Variants in LDB2 observed in about 807,000 individuals in gnomAD.
LDB2 encodes the protein LIM domain binding 2, also known as LIM domain-binding protein 2.
A neutral mutation model predicts 44.3 loss-of-function variants in LDB2; 12 were observed. That is an observed-to-expected ratio of 0.27 (90% CI 0.17 to 0.44). LDB2 has a LOEUF of 0.44. LDB2 is among the 20% of genes least tolerant of loss of function. The pLI is 1.00. For missense variants in LDB2, 344 were observed against 473.5 expected, an observed-to-expected ratio of 0.73 and a Z score of 2.54; for synonymous variants, 164 against 174.8, an observed-to-expected ratio of 0.94 and a Z score of 0.49.
At chr4:16,664,902 A>T (rs1182299212) in intron 2 of LDB2, among the ~76,000 whole-genome samples, 1 of 152,190 alleles carries the variant, frequency 6.6e-6, no homozygotes, top group Non-Finnish European at 1.5e-5. Flanking sequence ...TGAACAGAAA[A>T]CACACAGGAA....
At chr4:16,505,840 C>T in intron 7 of LDB2, 1 of 1,545,902 alleles carries the variant, frequency 6.5e-7, no homozygotes, top group Non-Finnish European at 8.7e-7. Flanking sequence ...GACCACCAAC[C>T]TCTGAGGAGG....
At chr4:16,862,575 G>A (rs936519625) in intron 1 of LDB2, among the ~76,000 whole-genome samples, 2 of 137,286 alleles carry the variant, frequency 1.5e-5, no homozygotes, top group Admixed American at 8.3e-5. Context: ...GGAGGTTGCA[G>A]TGAGCCGAGA....
intron 2 of LDB2, among the ~76,000 whole-genome samples, chr4:16,689,348 G>T (rs559845358): frequency 6.6e-6 from 1 of 152,220 alleles, no homozygotes; most frequent in Non-Finnish European, 1.5e-5. Context: ...AATTCCTACC[G>T]ATTCCTTAAG....
intron 1 of LDB2, among the ~76,000 whole-genome samples, chr4:16,862,750 A>G (rs1241581295): frequency 6.6e-6 from 1 of 151,146 alleles, no homozygotes; most frequent in African/African-American, 2.4e-5. Context: ...AGTAGTTTTT[A>G]GAAGGTGTCC....
chr4:16,759,206 C>T lies in LDB2; in HGVS notation c.187G>A (p.Ala63Thr), dbSNP rs770873748. Residue 63 changes from alanine (A) to threonine (T), a missense_variant, in exon 2 of 8, where the codon GCC (alanine) becomes ACC (threonine). Coordinates refer to ENST00000304523, the MANE Select transcript of LDB2 (RefSeq NM_001290.5). ...AAACAAAATGAAAGGGTTAATGTGG[C>T]GTCATCTTCAAAAAATTCAGTGGCA... ...AFATEFFEDD[A>T]TLTLSFCLED... The T allele has an allele frequency of 6.8e-6, 11 of 1,613,856 alleles. No individual in the cohort carries two copies. The East Asian group carries it at 2.0e-4, about 29-fold the overall frequency.
chr4:16,875,018 T>C (rs1167534705), intron 1 of LDB2, among the ~76,000 whole-genome samples: 2 of 152,146 alleles, frequency 1.3e-5, no homozygotes, highest in Non-Finnish European at 2.9e-5. Flanking sequence ...ACTACAGCCA[T>C]AGACATGTAT....
chr4:16,732,349 C>CA (rs1321682851), intron 2 of LDB2, among the ~76,000 whole-genome samples: 1 of 152,192 alleles, frequency 6.6e-6, no homozygotes, highest in African/African-American at 2.4e-5. Context: ...TTTTCATCCC[C>CA]TGCAGAGCTC....
chr4:16,525,326 G>GAAGAC (rs1461510028), intron 5 of LDB2, among the ~76,000 whole-genome samples: 1 of 152,144 alleles, frequency 6.6e-6, no homozygotes, highest in African/African-American at 2.4e-5. Flanking sequence ...GCTTTCTTGG[G>GAAGAC]AGCTTCTACC....
intron 2 of LDB2, among the ~76,000 whole-genome samples, chr4:16,740,305 T>A (rs1238085685): frequency 6.6e-6 from 1 of 152,230 alleles, no homozygotes; most frequent in Non-Finnish European, 1.5e-5. Flanking sequence ...ACTCTTCTTT[T>A]GTCTTTTTGC....
chr4:16,800,472 AT>A (rs1210230169), intron 1 of LDB2, among the ~76,000 whole-genome samples: 2 of 152,210 alleles, frequency 1.3e-5, no homozygotes, highest in Non-Finnish European at 2.9e-5. Context: ...GGGTTAAAAA[AT>A]ATTTGACATG....
chr4:16,784,365 G>A (rs207697), intron 1 of LDB2, among the ~76,000 whole-genome samples: 134,350 of 152,162 alleles, frequency 0.88, 59,725 homozygotes, highest in Middle Eastern at 0.98. Context: ...GTAGACTGGG[G>A]CTGGTAATTC....
intron 2 of LDB2, among the ~76,000 whole-genome samples, chr4:16,623,622 A>T (rs1032831555): frequency 1.6e-5 from 2 of 125,268 alleles, no homozygotes; most frequent in African/African-American, 2.9e-5. Flanking sequence ...AATAAATAAA[A>T]ATAAAATAAA....
chr4:16,632,550 C>T lies in LDB2; in HGVS notation c.236-36675G>A, dbSNP rs534631953. 1.6e-4 allele frequency among the ~76,000 whole-genome samples: 24 copies of T among 152,276 alleles called. No individual in the cohort carries two copies. In the East Asian group the frequency reaches 4.6e-3, roughly 29 times the overall value. On this transcript the variant is annotated intron_variant, in intron 2 of 7. Coordinates refer to ENST00000304523, the MANE Select transcript of LDB2 (RefSeq NM_001290.5). ...ACGAGGATGTCGTCTCTCACCACTCCTATTCAGCATAGTATTGGAAATTCT... is the reference window on the plus strand; with the variant it reads ...ACGAGGATGTCGTCTCTCACCACTCTTATTCAGCATAGTATTGGAAATTCT...
chr4:16,870,627 C>G (rs1053238416), intron 1 of LDB2, among the ~76,000 whole-genome samples: 1 of 150,586 alleles, frequency 6.6e-6, no homozygotes, highest in Non-Finnish European at 1.5e-5. Context: ...CTTGCATTCT[C>G]TTTATTTATT....
intron 2 of LDB2, among the ~76,000 whole-genome samples, chr4:16,725,982 T>C (rs937555529): frequency 1.3e-5 from 2 of 148,576 alleles, no homozygotes; most frequent in Non-Finnish European, 3.0e-5. Context: ...GTACATAAAA[T>C]ATCCATTATA....
chr4:16,581,083 G>C (rs140272216), intron 5 of LDB2, among the ~76,000 whole-genome samples: 2 of 152,292 alleles, frequency 1.3e-5, no homozygotes, highest in South Asian at 2.1e-4. Flanking sequence ...ATCAACTCCC[G>C]TGTGTTTTGA....
chr4:16,704,717 CAAT>C (rs1408334950), intron 2 of LDB2, among the ~76,000 whole-genome samples: 2 of 152,296 alleles, frequency 1.3e-5, no homozygotes, highest in South Asian at 2.1e-4. Context: ...TATTAATAGA[CAAT>C]GATGCATGCT....
chr4:16,829,684 CACTT>C (rs1783715980), intron 1 of LDB2, among the ~76,000 whole-genome samples: 1 of 152,138 alleles, frequency 6.6e-6, no homozygotes, highest in Non-Finnish European at 1.5e-5. Flanking sequence ...GAGGTGATGT[CACTT>C]AGTCTGTATG....
intron 1 of LDB2, among the ~76,000 whole-genome samples, chr4:16,836,866 T>A (rs1198876599): frequency 1.3e-5 from 2 of 152,230 alleles, no homozygotes. Flanking sequence ...GCACTTTTTA[T>A]AACCAAAGCC....
Sources: allele counts gnomAD v4.1 joint callset (sites outside exome capture counted in the v4.1 genomes callset), GRCh38; gene constraint gnomAD v4.1.1; transcripts MANE v1.5; gene names NCBI Gene and HGNC (gene_info 2026-07-23, HGNC 2026-07-21).